THADA: variants seen among roughly 807,000 people sequenced by gnomAD.
The protein encoded by THADA is tRNA (32-2'-O)-methyltransferase regulator THADA.
THADA carries 213 observed loss-of-function variants against 219.8 expected under a neutral mutation model. That is an observed-to-expected ratio of 0.97 (90% CI 0.87 to 1.09). THADA has a LOEUF of 1.09. Among genes scored for constraint, THADA ranks in the 50% least tolerant of loss-of-function variants. The pLI, the probability that THADA is intolerant of heterozygous loss-of-function variation, is 0.00. For missense variants in THADA, 2,956 were observed against 2,311.3 expected (o/e 1.28, Z -5.72); for synonymous variants, 1,018 against 828.9 (o/e 1.23, Z -3.92).
chr2:43,532,286 G>A (rs927837829), intron 21 of THADA, among the ~76,000 whole-genome samples: 1 of 151,506 alleles, frequency 6.6e-6, no homozygotes, highest in Non-Finnish European at 1.5e-5. Flanking sequence ...GGCACCATGC[G>A]CCTGTAGTCC....
At chr2:43,533,773 G>A (rs1162149484) in intron 21 of THADA, among the ~76,000 whole-genome samples, 1 of 152,142 alleles carries the variant, frequency 6.6e-6, no homozygotes. Context: ...AGAGCATTAG[G>A]ACAAATATCT....
intron 29 of THADA, among the ~76,000 whole-genome samples, chr2:43,392,146 T>G (rs912797105): frequency 5.3e-5 from 8 of 152,230 alleles, no homozygotes; most frequent in Non-Finnish European, 1.0e-4. Context: ...ATGTTCCATT[T>G]CTGGACAGCT....
At chr2:43,282,021 C>T (rs1462632279) in intron 35 of THADA, among the ~76,000 whole-genome samples, 3 of 152,178 alleles carry the variant, frequency 2.0e-5, no homozygotes, top group East Asian at 3.8e-4. Context: ...CTTCCTGCCT[C>T]GTCCTCCCAA....
chr2:43,256,887 T>G (rs944086599), intron 36 of THADA, among the ~76,000 whole-genome samples: 5 of 152,202 alleles, frequency 3.3e-5, no homozygotes, highest in Non-Finnish European at 4.4e-5. Flanking sequence ...CCAACATTCG[T>G]TTTTATTCAT....
At chr2:43,279,569 T>C (rs144704504) in intron 36 of THADA, among the ~76,000 whole-genome samples, 196 bp downstream of exon 36, 171 of 152,372 alleles carry the variant, frequency 1.1e-3, no homozygotes, top group Middle Eastern at 6.8e-3. Context: ...CCTATTTTTG[T>C]AAGCAAAGTT....
At position 43,586,958 on chromosome 2, in the gene THADA, T is replaced by C. The variant is rs1701090278; in HGVS notation, c.347A>G (p.His116Arg). The C allele has an allele frequency of 6.2e-7, 1 of 1,613,580 alleles. No homozygotes were observed. The highest frequency in any genetic ancestry group is 1.3e-5 in the African/African-American group (1 of 74,900). The change falls in exon 5 of 38, where the codon CAC becomes CGC. Residue 116 changes from histidine (H) to arginine (R), a missense_variant. By Grantham distance (29) the His-to-Arg change is conservative. Transcript: ENST00000405975. ...LPDFFLPEAM[H>R]RFTSRLQEEL... is the part of the protein sequence containing the mutation. The stretch of plus-strand genomic sequence containing the variant: ...TTCCTGAAGACGAGAAGTAAAACGG[T>C]GCATAGCCTCAGGTAGAAAAAAATC...
Position 43,279,754 on chromosome 2 carries a change from G to A in THADA, c.5296+11C>T. ...GCGATAAGACAATGCAAAAGGATAA[G>A]AACGAGGTACCTGTTGACTGGCAGG... On this transcript the variant is annotated intron_variant, in intron 36 of 37. Transcript: ENST00000405975. 6.5e-7 allele frequency: 1 copy of A among 1,546,894 alleles called. No homozygotes were observed. The highest frequency in any genetic ancestry group is 2.0e-5 in the Admixed American group (1 of 49,352).
At chr2:43,496,674 A>G (rs926623472) in intron 25 of THADA, among the ~76,000 whole-genome samples, 2 of 152,014 alleles carry the variant, frequency 1.3e-5, no homozygotes, top group African/African-American at 4.8e-5. Flanking sequence ...AAAAAAAAAG[A>G]TAACGAGTAT....
intron 26 of THADA, among the ~76,000 whole-genome samples, chr2:43,460,238 T>TAAAAA (rs10560565): frequency 4.4e-4 from 28 of 63,540 alleles, no homozygotes; most frequent in East Asian, 6.3e-4. Context: ...TTTCTCTTAA[T>TAAAAA]AAAAAAAAAA....
chr2:43,361,357 G>C (rs1669505094), intron 29 of THADA, among the ~76,000 whole-genome samples: 1 of 152,172 alleles, frequency 6.6e-6, no homozygotes, highest in African/African-American at 2.4e-5. Context: ...GATGTACAAA[G>C]TGCTTTGTAA....
chr2:43,530,028 T>C (rs1446793776), intron 21 of THADA, among the ~76,000 whole-genome samples: 2 of 152,052 alleles, frequency 1.3e-5, no homozygotes, highest in Non-Finnish European at 2.9e-5. Context: ...AGAGGAAAAC[T>C]AAAGACGTAA....
intron 24 of THADA, among the ~76,000 whole-genome samples, chr2:43,499,447 G>A (rs941488433): frequency 2.6e-5 from 4 of 152,208 alleles, no homozygotes; most frequent in South Asian, 4.1e-4. Context: ...CACAGTCTCG[G>A]CTCACTACAA....
chr2:43,581,294 C>T (rs375186347), intron 8 of THADA, among the ~76,000 whole-genome samples: 2 of 152,066 alleles, frequency 1.3e-5, no homozygotes, highest in Non-Finnish European at 2.9e-5. Context: ...CCTTGGGAGG[C>T]CACGGTAAGC....
At chr2:43,507,762 G>T (rs1303675356) in intron 23 of THADA, among the ~76,000 whole-genome samples, 1 of 152,110 alleles carries the variant, frequency 6.6e-6, no homozygotes, top group Non-Finnish European at 1.5e-5. Context: ...TTAACCAAAG[G>T]TCTTTCAGGA....
At chr2:43,484,946 A>C (rs1306433721) in intron 26 of THADA, among the ~76,000 whole-genome samples, 7 of 150,844 alleles carry the variant, frequency 4.6e-5, no homozygotes, top group African/African-American at 1.5e-4. Flanking sequence ...CAATTAAAAA[A>C]AAAAAAACAA....
At chr2:43,248,891 C>T (rs1243510720) in intron 36 of THADA, among the ~76,000 whole-genome samples, 1 of 152,158 alleles carries the variant, frequency 6.6e-6, no homozygotes, top group African/African-American at 2.4e-5. Flanking sequence ...AACTCTGAGG[C>T]GCCCTCCTCT....
At chr2:43,254,820 T>C (rs1358653170) in intron 36 of THADA, among the ~76,000 whole-genome samples, 1 of 152,174 alleles carries the variant, frequency 6.6e-6, no homozygotes, top group Non-Finnish European at 1.5e-5. Flanking sequence ...GACCTGGGCC[T>C]CCAGCAAACT....
chr2:43,561,016 CA>C (rs3042329), intron 15 of THADA, among the ~76,000 whole-genome samples: 513 of 92,344 alleles, frequency 5.6e-3, no homozygotes, highest in African/African-American at 0.012. Flanking sequence ...GACTTGGTCT[CA>C]AAAAAAAAAA....
chr2:43,391,635 C>G (rs1673396560), intron 29 of THADA, among the ~76,000 whole-genome samples: 1 of 152,000 alleles, frequency 6.6e-6, no homozygotes, highest in Admixed American at 6.5e-5. Flanking sequence ...GCTTCCCAAT[C>G]CTTTTCACAT....
Sources: allele counts gnomAD v4.1 joint callset (sites outside exome capture counted in the v4.1 genomes callset), GRCh38; gene constraint gnomAD v4.1.1; transcripts MANE v1.5; gene names NCBI Gene and HGNC (gene_info 2026-07-23, HGNC 2026-07-21).